LINGO2: variants seen among roughly 807,000 people sequenced by gnomAD.
LINGO2 encodes the protein leucine-rich repeat and immunoglobulin-like domain-containing nogo receptor-interacting protein 2.
Under a neutral mutation model 30.6 loss-of-function variants are expected in LINGO2, and 14 were observed. The observed-to-expected ratio is 0.46, with a 90% confidence interval of 0.30 to 0.72. LINGO2 has a LOEUF of 0.72. Ranked by LOEUF, LINGO2 falls within the 30% of genes least tolerant of loss-of-function variation. The pLI, the probability that LINGO2 is intolerant of heterozygous loss-of-function variation, is 0.07. For synonymous variants in LINGO2, 317 were observed against 288.5 expected (o/e 1.10, Z -1.00); for missense variants, 729 against 751.7 (o/e 0.97, Z 0.35).
the LINGO2 span, among the ~76,000 whole-genome samples, chr9:28,751,288 C>CAAAA: frequency 0.067 from 5,377 of 80,114 alleles, 389 homozygotes; most frequent in East Asian, 0.18. Flanking sequence ...AAGATCCAGT[C>CAAAA]AAAAAAAAAA....
chr9:28,080,146 T>A (rs68032729), intron 4 of LINGO2, among the ~76,000 whole-genome samples: 13,201 of 152,284 alleles, frequency 0.087, 635 homozygotes, highest in Middle Eastern at 0.13. Flanking sequence ...CACTTATGCC[T>A]CCCATGGGAC....
chr9:28,476,193 C>T (rs1825719923), intron 1 of LINGO2, among the ~76,000 whole-genome samples, 168 bp from the exon 4 acceptor site: 1 of 152,148 alleles, frequency 6.6e-6, no homozygotes, highest in African/African-American at 2.4e-5. Context: ...GTGTGGTTTT[C>T]CATTTTGAAG....
chr9:28,791,454 C>T, the LINGO2 span, among the ~76,000 whole-genome samples: 8 of 151,946 alleles, frequency 5.3e-5, no homozygotes, highest in African/African-American at 7.2e-5. Context: ...AATTAGTAAA[C>T]GATAAAGGAG....
intron 1 of LINGO2, among the ~76,000 whole-genome samples, chr9:28,610,836 C>G (rs1212972091): frequency 3.3e-5 from 5 of 152,166 alleles, no homozygotes; most frequent in Non-Finnish European, 7.4e-5. Context: ...CAAGTAATCA[C>G]TTTCTCCACA....
chr9:29,119,353 G>A, the LINGO2 span, among the ~76,000 whole-genome samples: 1 of 146,040 alleles, frequency 6.8e-6, no homozygotes, highest in Non-Finnish European at 1.5e-5. Flanking sequence ...ACATATGCAT[G>A]CACGTGTGCG....
intron 4 of LINGO2, among the ~76,000 whole-genome samples, chr9:28,167,944 T>C (rs1828477941): frequency 6.6e-6 from 1 of 152,198 alleles, no homozygotes; most frequent in South Asian, 2.1e-4. Flanking sequence ...AGATGTGGTT[T>C]TGCCAGCCAG....
intron 1 of LINGO2, among the ~76,000 whole-genome samples, chr9:28,495,733 T>C (rs1819588154): frequency 6.6e-6 from 1 of 152,208 alleles, no homozygotes; most frequent in South Asian, 2.1e-4. Context: ...CTTCTCTAGT[T>C]CTTTTAATTG....
chr9:28,214,309 G>A (rs965841000), intron 4 of LINGO2, among the ~76,000 whole-genome samples: 1 of 151,684 alleles, frequency 6.6e-6, no homozygotes, highest in South Asian at 2.1e-4. Flanking sequence ...AAGTTGTACA[G>A]GTATTCAAGG....
Position 28,641,612 on chromosome 9 carries a change from T to G in LINGO2, c.-365+28588A>C, listed in dbSNP as rs186534834. Among the ~76,000 whole-genome samples the G allele has an allele frequency of 1.5e-3, 230 of 152,304 alleles. 2 individuals are homozygous for G. Among genetic ancestry groups the G allele is most frequent in the African/African-American group, 5.3e-3 (221 of 41,564 alleles). ...TTTCACTTTGTAGGAAAATCTAATC[T>G]GACCTGATTTCACACATATTTGCAG... On this transcript the variant is annotated intron_variant, in intron 1 of 5. Transcript: ENST00000379992.
intron 1 of LINGO2, among the ~76,000 whole-genome samples, chr9:28,636,234 T>G (rs1481849139): frequency 6.6e-6 from 1 of 152,208 alleles, no homozygotes; most frequent in African/African-American, 2.4e-5. Context: ...TGATGGACAT[T>G]TGGGTTGGTT....
intron 2 of LINGO2, among the ~76,000 whole-genome samples, chr9:28,384,427 A>T (rs764367726): frequency 6.6e-6 from 1 of 150,504 alleles, no homozygotes; most frequent in Non-Finnish European, 1.5e-5. Context: ...TTTTCAGTTA[A>T]CATTTTATTG....
In LINGO2 at chr9:28,329,031, C is replaced by T. The variant is rs1047769529; in HGVS notation, c.-245-33665G>A. On this transcript the variant is annotated intron_variant, in intron 3 of 5. Transcript: ENST00000379992. The surrounding 1 kb of genome is among the most constrained non-coding windows in gnomAD (Gnocchi z 4.5). ...GAGACTTCTCAGGTTCTCACCCCAT[C>T]CGTATACGAGCTAGGCCTTATCCCT... Among the ~76,000 whole-genome samples, 41 of 152,252 alleles carry T rather than the reference C, an allele frequency of 2.7e-4. No individual in the cohort carries two copies. Among genetic ancestry groups the T allele is most frequent in the African/African-American group, 9.6e-4 (40 of 41,562 alleles).
the LINGO2 span, among the ~76,000 whole-genome samples, chr9:29,159,051 T>C: frequency 6.6e-6 from 1 of 152,142 alleles, no homozygotes; most frequent in Non-Finnish European, 1.5e-5. Flanking sequence ...TGTTCGACTC[T>C]GAGCTAGAGT....
chr9:28,481,045 G>T (rs114190473), intron 1 of LINGO2, among the ~76,000 whole-genome samples: 1,750 of 150,614 alleles, frequency 0.012, 29 homozygotes, highest in African/African-American at 0.04. Context: ...ATTATCAAAA[G>T]ATTTCTCAAG....
At chr9:29,013,124 A>T in the LINGO2 span, among the ~76,000 whole-genome samples, 1 of 152,180 alleles carries the variant, frequency 6.6e-6, no homozygotes, top group South Asian at 2.1e-4. Flanking sequence ...ATTGACTGTA[A>T]TCGTTCTCTT....
intron 5 of LINGO2, among the ~76,000 whole-genome samples, chr9:27,981,771 C>T (rs1820890391): frequency 6.6e-6 from 1 of 151,502 alleles, no homozygotes; most frequent in African/African-American, 2.4e-5. Flanking sequence ...GACCCTAAAG[C>T]CTTCTGAGAT....
At chr9:28,271,692 C>A (rs1822947024) in intron 4 of LINGO2, among the ~76,000 whole-genome samples, 1 of 152,088 alleles carries the variant, frequency 6.6e-6, no homozygotes, top group Non-Finnish European at 1.5e-5. Context: ...ATGTGGTATT[C>A]TGAATGGTGA....
At chr9:29,103,205 G>C in the LINGO2 span, among the ~76,000 whole-genome samples, 1 of 151,960 alleles carries the variant, frequency 6.6e-6, no homozygotes, top group Non-Finnish European at 1.5e-5. Flanking sequence ...CTTTTTTAAA[G>C]CATCACAGAA....
chr9:28,945,170 C>T, the LINGO2 span, among the ~76,000 whole-genome samples: 4 of 152,080 alleles, frequency 2.6e-5, no homozygotes, highest in African/African-American at 9.7e-5. Context: ...AACCTTACAA[C>T]TTAACAAGCC....
Sources: gnomAD v4.1 joint callset for allele counts (sites outside exome capture counted in the v4.1 genomes callset) on GRCh38, gnomAD v4.1.1 for gene constraint, Gnocchi (gnomAD v3.1) non-coding constraint, MANE v1.5 for transcripts, NCBI Gene and HGNC (gene_info 2026-07-23, HGNC 2026-07-21) for gene names.